The following GRIK5 variants were observed in gnomAD, a reference collection of about 807,000 sequenced individuals.
The protein encoded by GRIK5 is glutamate receptor ionotropic, kainate 5.
In GRIK5, 43 loss-of-function variants were observed where a neutral mutation model predicts 97.4. The ratio of observed to expected loss-of-function variants is 0.44; its 90% CI spans 0.35 to 0.57. GRIK5 has a LOEUF of 0.57. Ranked by LOEUF, GRIK5 falls within the 20% of genes least tolerant of loss-of-function variation. The pLI is 0.01. For synonymous variants in GRIK5, 580 were observed against 583.5 expected, an observed-to-expected ratio of 0.99 and a Z score of 0.09; for missense variants, 1,015 against 1,382.0, an observed-to-expected ratio of 0.73 and a Z score of 4.21.
chr19:42,015,369 G>A (rs2075612005), intron 15 of GRIK5, among the ~76,000 whole-genome samples: 1 of 152,144 alleles, frequency 6.6e-6, no homozygotes. Context: ...ACTCCACATA[G>A]AACAGTTACC....
intron 11 of GRIK5, among the ~76,000 whole-genome samples, chr19:42,045,418 C>T (rs2076031254): frequency 6.6e-6 from 1 of 152,234 alleles, no homozygotes; most frequent in African/African-American, 2.4e-5. Context: ...CTTTCCAGTC[C>T]AGTCTGGACA....
At position 42,062,601 on chromosome 19, in the gene GRIK5, C is replaced by T. The variant is rs935463254; in HGVS notation, c.395G>A (p.Arg132His). 56 of 1,614,166 alleles carry T rather than the reference C, an allele frequency of 3.5e-5. No individual in the cohort carries two copies. Among genetic ancestry groups the T allele is most frequent in the Non-Finnish European group, 4.7e-5 (55 of 1,180,014 alleles). Reference protein sequence around the residue: ...PEETPRLQYLRFASVSLYPSN... With the variant: ...PEETPRLQYLHFASVSLYPSN... The stretch of plus-strand genomic sequence containing the variant: ...GGGGTACAGGCTGACAGACGCGAAG[C>T]GAAGGTACTGAAGGCGGGGTGTCTC... Residue 132 changes from arginine to histidine, a missense_variant, in exon 5 of 20, where the codon CGC becomes CAC. By Grantham distance (29) the Arg-to-His change is conservative. This residue lies in a region of GRIK5 where 198 missense variants were observed against 218.2 expected (regional missense o/e 0.91). Transcript: ENST00000593562. The surrounding 1 kb of genome is among the most constrained non-coding windows in gnomAD (Gnocchi z 5.3).
At chr19:42,036,640 G>A (rs966850169) in intron 12 of GRIK5, among the ~76,000 whole-genome samples, 1 of 152,228 alleles carries the variant, frequency 6.6e-6, no homozygotes, top group African/African-American at 2.4e-5. Flanking sequence ...ACAGGCGTAA[G>A]CCACCATGCC....
rs1555869989 is a variant in GRIK5 at position 41,998,510 on chromosome 19, A to AC, written c.*360dup. Reference sequence around the variant, plus strand: ...ACCCATCTGTCCAGAGGCCCTCCCCACCTCCAGAAGCGTGGGGGGCTGCGT... The same window carrying AC: ...ACCCATCTGTCCAGAGGCCCTCCCCACCCTCCAGAAGCGTGGGGGGCTGCGT... On this transcript the variant is annotated 3_prime_UTR_variant, in exon 20 of 20. Coordinates refer to ENST00000593562, the MANE Select transcript of GRIK5 (RefSeq NM_002088.5). 6.5e-6 allele frequency: 1 copy of AC among 152,692 alleles called. No homozygotes were observed. The highest frequency in any genetic ancestry group is 1.5e-5 in the Non-Finnish European group (1 of 68,386). The allele number at this position is 152,692 out of a possible 1,614,324, so 9.5% of individuals were successfully genotyped here.
chr19:42,018,039 C>T (rs965172738), intron 15 of GRIK5, among the ~76,000 whole-genome samples: 2 of 149,552 alleles, frequency 1.3e-5, no homozygotes, highest in African/African-American at 2.5e-5. Flanking sequence ...CCCGGCTGGG[C>T]GTGGTGGCTC....
intron 3 of GRIK5, among the ~76,000 whole-genome samples, chr19:42,064,763 A>G (rs2076306672): frequency 6.6e-6 from 1 of 152,242 alleles, no homozygotes; most frequent in Admixed American, 6.5e-5. Context: ...GCCCATCAGT[A>G]TTCCATAGAC....
At position 41,999,034 on chromosome 19, in the gene GRIK5, C is replaced by T; in HGVS notation, c.2780G>A (p.Cys927Tyr). The change falls in exon 20 of 20, where the codon TGC becomes TAC. Residue 927 changes from cysteine to tyrosine, a missense_variant. Around this residue, in one of 5 missense-constraint regions of GRIK5, gnomAD observed 109 missense variants for 100.4 expected, o/e 1.09. Coordinates refer to ENST00000593562, the MANE Select transcript of GRIK5 (RefSeq NM_002088.5). The surrounding 1 kb of genome is among the most constrained non-coding windows in gnomAD (Gnocchi z 5.0). ...CTCCTGGCAGACGCGCACGTGGGTG[C>T]AGGGGGTGGGGGCGGCGGGTCGGGC... ...SGARPAAPTPCTHVRVCQECR... is the reference protein window; with the variant it reads ...SGARPAAPTPYTHVRVCQECR... The T allele has an allele frequency of 1.7e-6, 2 of 1,206,438 alleles. No homozygotes were observed. The highest frequency in any genetic ancestry group is 3.0e-5 in the South Asian group (1 of 33,668). The allele number at this position is 1,206,438 out of a possible 1,614,324, so 74.7% of individuals were successfully genotyped here. A position where few individuals can be genotyped will look rare whatever the true frequency, so the allele number is the denominator to read the frequency against.
intron 12 of GRIK5, among the ~76,000 whole-genome samples, chr19:42,031,168 G>C (rs887551214): frequency 6.6e-6 from 1 of 152,172 alleles, no homozygotes; most frequent in South Asian, 2.1e-4. Context: ...CCCTGATCAC[G>C]TTGACAATAA....
chr19:42,054,603 G>C, intron 8 of GRIK5, 131 bp from the exon 9 acceptor site: 1 of 1,003,844 alleles, frequency 1.0e-6, no homozygotes, highest in South Asian at 1.6e-5. Flanking sequence ...AAACTGGGTG[G>C]GTCAGGAGTG....
At chr19:42,067,554 G>A (rs1229765660) in intron 1 of GRIK5, among the ~76,000 whole-genome samples, 1 of 152,190 alleles carries the variant, frequency 6.6e-6, no homozygotes, top group Non-Finnish European at 1.5e-5. Context: ...AGAGAGGCAG[G>A]AGTGGAGTGG....
chr19:42,001,764 CTG>C (rs2075425583), intron 19 of GRIK5: 1 of 236,066 alleles, frequency 4.2e-6, no homozygotes, highest in Non-Finnish European at 8.2e-6. Context: ...CCCACAGAAA[CTG>C]TGAACCAATG....
Position 42,006,843 on chromosome 19 carries a change from AGTCACCCCTGCTGACCTGCCCCC to A in GRIK5, c.1872-56_1872-34del, listed in dbSNP as rs782155274. Reference sequence around the variant, plus strand: ...GTGGGAGGGGTGAGTCACGGGCTGGAGTCACCCCTGCTGACCTGCCCCCGTGGCCATGCCCCCCATTGGTGGTG... The same window carrying A: ...GTGGGAGGGGTGAGTCACGGGCTGGAGTGGCCATGCCCCCCATTGGTGGTG... On this transcript the variant is annotated intron_variant, in intron 15 of 19. Coordinates refer to ENST00000593562, the MANE Select transcript of GRIK5 (RefSeq NM_002088.5). The surrounding 1 kb of genome is among the most constrained non-coding windows in gnomAD (Gnocchi z 5.3). 18 of 1,541,936 alleles carry A rather than the reference AGTCACCCCTGCTGACCTGCCCCC, an allele frequency of 1.2e-5. No homozygotes were observed. The highest frequency in any genetic ancestry group is 1.6e-5 in the Non-Finnish European group (18 of 1,140,760).
chr19:42,041,158 C>A (rs1042623436), intron 12 of GRIK5, among the ~76,000 whole-genome samples: 10 of 152,202 alleles, frequency 6.6e-5, no homozygotes, highest in Admixed American at 2.6e-4. Flanking sequence ...AGCAAAGTGG[C>A]CCTCTCATGT....
chr19:42,003,305 G>GGGGC lies in GRIK5; in HGVS notation c.2514+26_2514+27insGCCC. ...TCAGCCCCTGGGGGTCCCTGTTCCT[G>GGGGC]CCCACCCCCACCCCCAGCCTCCTCA... is the stretch of plus-strand genomic sequence containing the variant. On this transcript the variant is annotated intron_variant, in intron 19 of 19. Transcript: ENST00000593562. The surrounding 1 kb of genome is among the most constrained non-coding windows in gnomAD (Gnocchi z 4.2). The GGGGC allele has an allele frequency of 1.9e-6, 3 of 1,540,730 alleles. No homozygotes were observed. Among genetic ancestry groups the GGGGC allele is most frequent in the Non-Finnish European group, 2.7e-6 (3 of 1,118,190 alleles).
intron 15 of GRIK5, among the ~76,000 whole-genome samples, chr19:42,016,902 C>G (rs1319731997): frequency 6.6e-6 from 1 of 152,078 alleles, no homozygotes; most frequent in Non-Finnish European, 1.5e-5. Flanking sequence ...CTGTGATTAT[C>G]TGAGCCTAAC....
intron 15 of GRIK5, among the ~76,000 whole-genome samples, chr19:42,012,866 C>CA (rs57198505): frequency 0.02 from 2,136 of 104,428 alleles, 36 homozygotes; most frequent in African/African-American, 0.06. Context: ...GATATTGCCT[C>CA]AAAAAAAAAA....
chr19:42,004,442 A>G (rs1239212250), intron 17 of GRIK5, among the ~76,000 whole-genome samples: 1 of 152,208 alleles, frequency 6.6e-6, no homozygotes, highest in Non-Finnish European at 1.5e-5. Context: ...CCACAGAACC[A>G]GAGACACGGG....
intron 11 of GRIK5, among the ~76,000 whole-genome samples, chr19:42,052,380 C>T (rs1170033193): frequency 6.6e-6 from 1 of 152,094 alleles, no homozygotes; most frequent in Non-Finnish European, 1.5e-5. Flanking sequence ...TAGCCAAGCC[C>T]CCAGGGCTCC....
chr19:42,063,541 A>C, intron 3 of GRIK5: 1 of 359,616 alleles, frequency 2.8e-6, no homozygotes, highest in South Asian at 2.1e-5. Flanking sequence ...TCAGAAATAC[A>C]TATGGGTGCA....
Sources: gnomAD v4.1 joint callset for allele counts (sites outside exome capture counted in the v4.1 genomes callset) on GRCh38, gnomAD v4.1.1 for gene constraint, gnomAD v4.1.1 regional missense constraint, Gnocchi (gnomAD v3.1) non-coding constraint, MANE v1.5 for transcripts, NCBI Gene and HGNC (gene_info 2026-07-23, HGNC 2026-07-21) for gene names.